The following CHSY3 variants were observed in gnomAD, a reference collection of about 807,000 sequenced individuals.
CHSY3 encodes the protein chondroitin sulfate synthase 3.
Under a neutral mutation model 67.2 loss-of-function variants are expected in CHSY3, and 35 were observed. That is an observed-to-expected ratio of 0.52 (90% CI 0.40 to 0.69). The LOEUF is 0.69. Ranked by LOEUF, CHSY3 falls within the 30% of genes least tolerant of loss-of-function variation. The probability of loss-of-function intolerance (pLI) is 0.00; values close to 1 mark genes in which losing one functional copy is unlikely to be tolerated. For missense variants in CHSY3, 1,069 were observed against 1,138.5 expected (o/e 0.94, Z 0.88); for synonymous variants, 474 against 434.7 (o/e 1.09, Z -1.12).
intron 2 of CHSY3, among the ~76,000 whole-genome samples, chr5:129,921,610 GTGCT>G (rs1168374228): frequency 6.6e-6 from 1 of 152,200 alleles, no homozygotes; most frequent in African/African-American, 2.4e-5. Flanking sequence ...TTGTCTTTTT[GTGCT>G]TGCTTATTAC....
chr5:130,137,100 C>T (rs1246481724), intron 2 of CHSY3, among the ~76,000 whole-genome samples: 1 of 152,112 alleles, frequency 6.6e-6, no homozygotes. Context: ...ATAAAAAAAT[C>T]ACTCCTCTCA....
At chr5:130,171,275 A>G (rs574861935) in intron 2 of CHSY3, among the ~76,000 whole-genome samples, 1 of 152,318 alleles carries the variant, frequency 6.6e-6, no homozygotes, top group East Asian at 1.9e-4. Flanking sequence ...GTCAGGCTAA[A>G]TCAGGCAGAT....
chr5:130,185,941 C>A lies in CHSY3; in HGVS notation c.*150C>A. 2.4e-6 allele frequency: 1 copy of A among 422,196 alleles called. No individual in the cohort carries two copies. The highest frequency in any genetic ancestry group is 3.9e-5 in the East Asian group (1 of 25,516). 26.2% of individuals were successfully genotyped at this position (422,196 alleles called of 1,614,324 possible). A position where few individuals can be genotyped will look rare whatever the true frequency, so the allele number is the denominator to read the frequency against. ...TCTTAAACTACTCTTGGTTGTCTTC[C>A]TAAGGGTGTTTGTTGACCTCAAGCA... On this transcript the variant is annotated 3_prime_UTR_variant, in exon 3 of 3. Transcript: ENST00000305031.
At chr5:130,126,698 C>G (rs1768302567) in intron 2 of CHSY3, among the ~76,000 whole-genome samples, 1 of 152,112 alleles carries the variant, frequency 6.6e-6, no homozygotes, top group African/African-American at 2.4e-5. Context: ...TCGAATCATT[C>G]TCATTTCATT....
intron 2 of CHSY3, among the ~76,000 whole-genome samples, chr5:130,020,461 A>ATATATATATATATATTT (rs1371121130): frequency 1.3e-5 from 1 of 79,892 alleles, no homozygotes; most frequent in African/African-American, 6.1e-5. Context: ...ATATATATAT[A>ATATATATATATATATTT]TTTTTTTTTT....
intron 2 of CHSY3, among the ~76,000 whole-genome samples, chr5:129,910,297 A>G (rs1760491770): frequency 6.6e-6 from 1 of 152,016 alleles, no homozygotes; most frequent in Non-Finnish European, 1.5e-5. Context: ...TTAGACTGAC[A>G]CTTGACCATC....
At chr5:130,150,004 AGTAT>A (rs1769187349) in intron 2 of CHSY3, among the ~76,000 whole-genome samples, 1 of 152,242 alleles carries the variant, frequency 6.6e-6, no homozygotes, top group Admixed American at 6.5e-5. Context: ...AAAGACTGAA[AGTAT>A]GTATATAAAA....
intron 2 of CHSY3, among the ~76,000 whole-genome samples, chr5:130,038,536 T>G (rs1440604584): frequency 6.6e-6 from 1 of 151,122 alleles, no homozygotes; most frequent in Non-Finnish European, 1.5e-5. Context: ...ATGTGTAGAT[T>G]CCTACCCTGC....
At chr5:130,009,243 AC>A (rs1763974318) in intron 2 of CHSY3, among the ~76,000 whole-genome samples, 1 of 152,190 alleles carries the variant, frequency 6.6e-6, no homozygotes, top group Admixed American at 6.5e-5. Flanking sequence ...TACAAAGTGA[AC>A]CCAATCAGGC....
At chr5:130,178,248 T>TAC (rs1770131079) in intron 2 of CHSY3, among the ~76,000 whole-genome samples, 2 of 79,528 alleles carry the variant, frequency 2.5e-5, no homozygotes, top group Non-Finnish European at 4.7e-5. Context: ...TATATATATA[T>TAC]ATATATTTTT....
chr5:130,113,486 A>C (rs1388683774), intron 2 of CHSY3, among the ~76,000 whole-genome samples: 2 of 152,202 alleles, frequency 1.3e-5, no homozygotes, highest in Non-Finnish European at 2.9e-5. Flanking sequence ...AATTCATTCA[A>C]AAATTGTGTT....
chr5:130,024,174 G>A (rs1457092208), intron 2 of CHSY3, among the ~76,000 whole-genome samples: 2 of 140,270 alleles, frequency 1.4e-5, no homozygotes, highest in Admixed American at 1.4e-4. Flanking sequence ...GCTTTTTTAA[G>A]GGCTTTCTCC....
intron 2 of CHSY3, among the ~76,000 whole-genome samples, chr5:129,962,392 C>T (rs764170019): frequency 2.2e-4 from 33 of 151,964 alleles, no homozygotes; most frequent in Non-Finnish European, 1.6e-4. Context: ...GTTTTCCTCT[C>T]TCCTCTTAAC....
chr5:129,995,141 T>C (rs1390613111), intron 2 of CHSY3, among the ~76,000 whole-genome samples: 1 of 152,202 alleles, frequency 6.6e-6, no homozygotes, highest in Non-Finnish European at 1.5e-5. Context: ...CCTAGTGATG[T>C]GTAGAGGTCT....
chr5:130,086,180 T>G (rs550419203), intron 2 of CHSY3, among the ~76,000 whole-genome samples: 6 of 152,232 alleles, frequency 3.9e-5, no homozygotes, highest in South Asian at 2.1e-4. Flanking sequence ...ACTTTCTGTC[T>G]CGTTGATCTG....
intron 2 of CHSY3, among the ~76,000 whole-genome samples, chr5:129,953,289 T>C (rs969521469): frequency 1.3e-5 from 2 of 152,198 alleles, no homozygotes; most frequent in African/African-American, 4.8e-5. Context: ...TTCATCCATG[T>C]CTCTGCAAAC....
chr5:130,106,985 TTTAA>T (rs890417288), intron 2 of CHSY3, among the ~76,000 whole-genome samples: 1 of 151,510 alleles, frequency 6.6e-6, no homozygotes, highest in Non-Finnish European at 1.5e-5. Context: ...ATGAATGACA[TTTAA>T]TTAACAATTC....
chr5:130,001,544 A>G, intron 2 of CHSY3: 1 of 907,884 alleles, frequency 1.1e-6, no homozygotes, highest in Non-Finnish European at 1.3e-6. Flanking sequence ...GCAGGACCCC[A>G]TGGAGAGTCC....
intron 2 of CHSY3, among the ~76,000 whole-genome samples, chr5:130,062,949 A>T (rs1181866737): frequency 1.3e-5 from 2 of 152,112 alleles, no homozygotes; most frequent in Admixed American, 6.6e-5. Context: ...TTTAAAAGGA[A>T]ATTTGCATTT....
Sources: allele counts gnomAD v4.1 joint callset (sites outside exome capture counted in the v4.1 genomes callset), GRCh38; gene constraint gnomAD v4.1.1; transcripts MANE v1.5; gene names NCBI Gene and HGNC (gene_info 2026-07-23, HGNC 2026-07-21).